DIP2C: variants seen among roughly 807,000 people sequenced by gnomAD.
DIP2C encodes DIP2 acetate--CoA ligase C (putative).
In DIP2C, 33 loss-of-function variants were observed where a neutral mutation model predicts 192.4. The ratio of observed to expected loss-of-function variants is 0.17; its 90% CI spans 0.13 to 0.23. The LOEUF (loss-of-function observed/expected upper bound fraction) is 0.23. DIP2C is among the 10% of genes least tolerant of loss of function. DIP2C has a pLI of 1.00. For synonymous variants in DIP2C, 979 were observed against 864.1 expected (o/e 1.13, Z -2.33); for missense variants, 1,537 against 2,110.1 (o/e 0.73, Z 5.32).
intron 4 of DIP2C, chr10:430,338 C>T (rs747589873): frequency 5.3e-5 from 8 of 152,326 alleles, no homozygotes; most frequent in Middle Eastern, 3.4e-3. Context: ...CCATTTCCAA[C>T]CTAAGCTAGT....
intron 2 of DIP2C, among the ~76,000 whole-genome samples, chr10:478,001 GGAAAA>G (rs1564763177): frequency 7.3e-5 from 2 of 27,534 alleles, no homozygotes; most frequent in East Asian, 2.4e-3. Context: ...AGATAGAAGA[GGAAAA>G]AAGAGGGGAG....
intron 1 of DIP2C, among the ~76,000 whole-genome samples, chr10:566,162 T>C (rs929817347): frequency 6.6e-6 from 1 of 152,234 alleles, no homozygotes; most frequent in Non-Finnish European, 1.5e-5. Context: ...CATTTTAGAG[T>C]GTCTGAAGAA....
chr10:581,442 T>A (rs573876487), intron 1 of DIP2C, among the ~76,000 whole-genome samples: 5 of 152,128 alleles, frequency 3.3e-5, no homozygotes, highest in African/African-American at 1.2e-4. Flanking sequence ...AAGGTGCTAA[T>A]CAAAAATGTA....
rs565823300 is a variant in DIP2C at position 338,649 on chromosome 10, T to C, written c.3584+2550A>G. 1.4e-4 allele frequency among the ~76,000 whole-genome samples: 22 copies of C among 152,288 alleles called. 1 individual carries two copies. In the South Asian group the frequency reaches 4.3e-3, roughly 30 times the overall value. ...ATAATGAAATCGCCCATTTGGAACG[T>C]ACCCCCATGACTAACGCCTGGCCGC... On this transcript the variant is annotated intron_variant, in intron 29 of 36. Coordinates refer to ENST00000280886, the MANE Select transcript of DIP2C (RefSeq NM_014974.3).
chr10:315,747 C>G (rs1302506272), intron 31 of DIP2C, among the ~76,000 whole-genome samples: 1 of 152,218 alleles, frequency 6.6e-6, no homozygotes, highest in South Asian at 2.1e-4. Context: ...CATAGGTCTT[C>G]AAATTGTTCT....
At chr10:332,939 G>T (rs766788433) in intron 29 of DIP2C, among the ~76,000 whole-genome samples, 1 of 152,232 alleles carries the variant, frequency 6.6e-6, no homozygotes, top group Non-Finnish European at 1.5e-5. Context: ...GTCTCACTCC[G>T]TCGCCCAGGT....
Position 495,299 on chromosome 10 carries a change from AGT to A in DIP2C, c.86-8771_86-8770del, listed in dbSNP as rs1335736882. Among the ~76,000 whole-genome samples the A allele has an allele frequency of 3.3e-5, 5 of 152,332 alleles. No individual in the cohort carries two copies. In the South Asian group the frequency reaches 1.0e-3, roughly 32 times the overall value. On this transcript the variant is annotated intron_variant, in intron 1 of 36. Transcript: ENST00000280886. ...AGTCAATTCTGGAGATCGAATGTAC[AGT>A]GTGGTAACTACAGTTAATAACAATG...
chr10:409,048 T>C (rs1456147197), intron 8 of DIP2C, 31 bp from the exon 9 acceptor site: 7 of 1,607,388 alleles, frequency 4.4e-6, no homozygotes, highest in Non-Finnish European at 6.0e-6. Flanking sequence ...CAAATGTGCG[T>C]ATTAAACCAT....
intron 1 of DIP2C, among the ~76,000 whole-genome samples, chr10:616,881 GAC>G (rs1425361408): frequency 6.6e-6 from 1 of 152,222 alleles, no homozygotes; most frequent in South Asian, 2.1e-4. Context: ...GCTCTGAAAA[GAC>G]AGATTCAGAT....
chr10:312,677 G>A (rs1335552767), intron 31 of DIP2C, among the ~76,000 whole-genome samples: 1 of 152,108 alleles, frequency 6.6e-6, no homozygotes, highest in Non-Finnish European at 1.5e-5. Flanking sequence ...GGTAATTATG[G>A]CTACTCTTCT....
At chr10:565,896 G>C (rs765752178) in intron 1 of DIP2C, among the ~76,000 whole-genome samples, 6 of 152,212 alleles carry the variant, frequency 3.9e-5, no homozygotes, top group Non-Finnish European at 5.9e-5. Context: ...ACGTTGGGAA[G>C]CAGGCAGGGC....
At chr10:348,479 T>C (rs1958628625) in intron 26 of DIP2C, among the ~76,000 whole-genome samples, 162 bp downstream of exon 26, 1 of 152,156 alleles carries the variant, frequency 6.6e-6, no homozygotes, top group Admixed American at 6.5e-5. Context: ...ACCTAGACTC[T>C]AGGCTCCCTG....
At chr10:359,756 A>G (rs1056991243) in intron 22 of DIP2C, among the ~76,000 whole-genome samples, 1 of 152,032 alleles carries the variant, frequency 6.6e-6, no homozygotes, top group Non-Finnish European at 1.5e-5. Flanking sequence ...CTCTATCTCT[A>G]CCAGATAGAA....
intron 4 of DIP2C, chr10:430,227 T>G (rs926368183): frequency 6.6e-6 from 1 of 152,228 alleles, no homozygotes. Context: ...ATTTTTTACT[T>G]ATTCATTTTT....
chr10:583,477 C>T (rs970372844), intron 1 of DIP2C, among the ~76,000 whole-genome samples: 3 of 152,222 alleles, frequency 2.0e-5, no homozygotes, highest in Non-Finnish European at 4.4e-5. Flanking sequence ...TCCTAGTGAA[C>T]TTTCAATGTT....
At chr10:313,788 G>A (rs981993841) in intron 31 of DIP2C, among the ~76,000 whole-genome samples, 1 of 152,124 alleles carries the variant, frequency 6.6e-6, no homozygotes, top group Non-Finnish European at 1.5e-5. Flanking sequence ...AGTGCTTATT[G>A]AACAAATGAG....
chr10:542,855 G>A (rs1848079060), intron 1 of DIP2C, among the ~76,000 whole-genome samples: 1 of 151,984 alleles, frequency 6.6e-6, no homozygotes, highest in Non-Finnish European at 1.5e-5. Flanking sequence ...CTATACCACA[G>A]ATCATCAGAT....
chr10:463,628 T>G (rs999680535), intron 3 of DIP2C, among the ~76,000 whole-genome samples: 2 of 152,146 alleles, frequency 1.3e-5, no homozygotes, highest in Non-Finnish European at 2.9e-5. Context: ...CTTCACAGAA[T>G]TGGAAAAAAC....
chr10:436,234 G>T (rs953638068), intron 4 of DIP2C, among the ~76,000 whole-genome samples: 1 of 152,202 alleles, frequency 6.6e-6, no homozygotes, highest in Non-Finnish European at 1.5e-5. Flanking sequence ...GTTTCTCTGT[G>T]TATGCAGTGA....
Sources: gnomAD v4.1 joint callset for allele counts (sites outside exome capture counted in the v4.1 genomes callset) on GRCh38, gnomAD v4.1.1 for gene constraint, MANE v1.5 for transcripts, NCBI Gene and HGNC (gene_info 2026-07-23, HGNC 2026-07-21) for gene names.